Variants in TRPM7 observed in about 807,000 individuals in gnomAD.
TRPM7 encodes the protein transient receptor potential cation channel subfamily M member 7, also known as LTRPC ion channel family member 7.
In TRPM7, 134 loss-of-function variants were observed where a neutral mutation model predicts 229.7. The ratio of observed to expected loss-of-function variants is 0.58; its 90% confidence interval spans 0.51 to 0.67. The LOEUF (loss-of-function observed/expected upper bound fraction) is 0.67. TRPM7 is among the 30% of genes least tolerant of loss of function. The pLI, the probability that TRPM7 is intolerant of heterozygous loss-of-function variation, is 0.00. For synonymous variants in TRPM7, 699 were observed against 715.2 expected (o/e 0.98, Z 0.36); for missense variants, 1,901 against 2,210.0 (o/e 0.86, Z 2.80).
intron 12 of TRPM7, among the ~76,000 whole-genome samples, chr15:50,621,976 G>C (rs765505494): frequency 1.3e-5 from 2 of 151,974 alleles, no homozygotes; most frequent in African/African-American, 4.8e-5. Flanking sequence ...GTCGCATTGA[G>C]CCAAGATTGT....
At chr15:50,655,388 G>A (rs1043939302) in intron 3 of TRPM7, among the ~76,000 whole-genome samples, 8 of 144,450 alleles carry the variant, frequency 5.5e-5, no homozygotes, top group Admixed American at 1.5e-4. Context: ...AGCCAAGATC[G>A]CACCACTGCA....
At chr15:50,587,578 A>T (rs1366843784) in intron 27 of TRPM7, among the ~76,000 whole-genome samples, 5 of 152,028 alleles carry the variant, frequency 3.3e-5, no homozygotes, top group Non-Finnish European at 5.9e-5. Context: ...CTTTAAGTTC[A>T]TTATTAAAAA....
chr15:50,607,462 A>G (rs2059948278), intron 19 of TRPM7, 134 bp from the exon 20 acceptor site: 1 of 721,014 alleles, frequency 1.4e-6, no homozygotes, highest in African/African-American at 1.8e-5. Context: ...TCCTTTATTA[A>G]AACAATTTTA....
intron 21 of TRPM7, chr15:50,604,324 G>C (rs938114957): frequency 6.6e-6 from 1 of 152,398 alleles, no homozygotes; most frequent in Admixed American, 6.5e-5. Context: ...TGTAATCCCA[G>C]CACTTTGGGA....
intron 38 of TRPM7, among the ~76,000 whole-genome samples, chr15:50,566,452 C>T (rs908659267): frequency 2.2e-4 from 33 of 152,190 alleles, no homozygotes; most frequent in African/African-American, 7.5e-4. Context: ...AATCCCAGCA[C>T]TTTGGGAGGC....
At chr15:50,685,323 G>A (rs1479452235) in intron 1 of TRPM7, among the ~76,000 whole-genome samples, 1 of 152,208 alleles carries the variant, frequency 6.6e-6, no homozygotes, top group East Asian at 1.9e-4. Flanking sequence ...AATTAGCCGG[G>A]CATGGTGGCT....
In TRPM7 at chr15:50,593,636, TTC is replaced by T. The variant is rs776355674; in HGVS notation, c.3587_3588del (p.Arg1196AsnfsTer6). 1 of 1,611,880 alleles carries T rather than the reference TTC, an allele frequency of 6.2e-7. No individual in the cohort carries two copies. Among genetic ancestry groups the T allele is most frequent in the Admixed American group, 1.7e-5 (1 of 59,820 alleles). ...DDKFHSGSEE[R>X]IRVTFERVEQ... ...CTGAACCTTTCAAAAGTGACACGAA[TTC>T]TCTCTTCACTCCCAGAATGAAATTT... On this transcript the variant is annotated frameshift_variant, in exon 25 of 39. Coordinates refer to ENST00000646667, the MANE Select transcript of TRPM7 (RefSeq NM_017672.6). LOFTEE classifies it high-confidence loss of function.
At position 50,592,527 on chromosome 15, in the gene TRPM7, T is replaced by C. The variant is rs1470746427; in HGVS notation, c.3708A>G (p.Gln1236=). 3 of 1,613,662 alleles carry C rather than the reference T, an allele frequency of 1.9e-6. No individual in the cohort carries two copies. Among genetic ancestry groups the C allele is most frequent in the Non-Finnish European group, 1.7e-6 (2 of 1,180,024 alleles). The change falls in exon 26 of 39, where the codon CAA becomes CAG. Residue 1236 remains glutamine, a synonymous_variant. Coordinates refer to ENST00000646667, the MANE Select transcript of TRPM7 (RefSeq NM_017672.6). ...QSLDSQIGHL[Q]DLSALTVDTL... is the part of the protein sequence containing the mutation. Reference sequence around the variant, plus strand: ...TATCTACCGTCAGGGCTGAAAGATCTTGCAAATGGCCAATTTGAGAATCTA... The same window carrying C: ...TATCTACCGTCAGGGCTGAAAGATCCTGCAAATGGCCAATTTGAGAATCTA...
At position 50,586,416 on chromosome 15, in the gene TRPM7, A is replaced by C. The variant is rs748974050; in HGVS notation, c.4462T>G (p.Ser1488Ala). Reference sequence around the variant, plus strand: ...CCTTGTTTTGAATGAACAGGAATGGAAGTTCTGTGACAGTCAGTAAATCCA... The same window carrying C: ...CCTTGTTTTGAATGAACAGGAATGGCAGTTCTGTGACAGTCAGTAAATCCA... ...LAGFTDCHRT[S>A]IPVHSKQAEK... Residue 1488 changes from serine (S) to alanine (A), a missense_variant, in exon 28 of 39, where the codon TCC (serine) becomes GCC (alanine). By Grantham distance (99) the Ser-to-Ala change is moderately conservative (BLOSUM62 1). Transcript: ENST00000646667. 6.2e-7 allele frequency: 1 copy of C among 1,612,334 alleles called. No homozygotes were observed. Among genetic ancestry groups the C allele is most frequent in the South Asian group, 1.1e-5 (1 of 91,004 alleles).
chr15:50,641,978 T>TGAC lies in TRPM7; in HGVS notation c.535+1359_535+1361dup, dbSNP rs575889166. On this transcript the variant is annotated intron_variant, in intron 5 of 38. Transcript: ENST00000646667. ...TGGCACCACTGCACTCCAGCCTGGG[T>TGAC]GACAGCAAGACTCTGTCTCAAAAAA... Among the ~76,000 whole-genome samples, 115 of 143,654 alleles carry TGAC rather than the reference T, an allele frequency of 8.0e-4. No individual in the cohort carries two copies. The East Asian group carries it at 0.021, about 27-fold the overall frequency. 94.2% of individuals were successfully genotyped at this position (143,654 alleles called of 152,430 possible).
chr15:50,677,748 A>AC (rs1313281674), intron 1 of TRPM7, among the ~76,000 whole-genome samples: 1 of 148,140 alleles, frequency 6.8e-6, no homozygotes, highest in Non-Finnish European at 1.5e-5. Context: ...CAAAAAAAAA[A>AC]AAAAAAAAAA....
intron 11 of TRPM7, among the ~76,000 whole-genome samples, chr15:50,627,400 G>A (rs764647441): frequency 2.0e-5 from 3 of 152,146 alleles, no homozygotes; most frequent in Admixed American, 2.0e-4. Context: ...TTAAGCCCAC[G>A]TGGGTATGTA....
intron 38 of TRPM7, among the ~76,000 whole-genome samples, chr15:50,564,027 A>G (rs2053450429): frequency 6.6e-6 from 1 of 151,992 alleles, no homozygotes; most frequent in South Asian, 2.1e-4. Flanking sequence ...CACATGGCCA[A>G]TTTTTATATT....
At chr15:50,669,104 A>T (rs1308577921) in intron 1 of TRPM7, among the ~76,000 whole-genome samples, 3 of 152,110 alleles carry the variant, frequency 2.0e-5, no homozygotes, top group African/African-American at 7.2e-5. Context: ...TTTACCCAAT[A>T]CATAAAGGTA....
At chr15:50,656,940 G>A (rs371546850) in intron 3 of TRPM7, among the ~76,000 whole-genome samples, 1 of 152,096 alleles carries the variant, frequency 6.6e-6, no homozygotes, top group South Asian at 2.1e-4. Context: ...CTTACTTCAG[G>A]TTCTCATCTT....
chr15:50,626,794 T>C (rs1341897515), intron 11 of TRPM7, among the ~76,000 whole-genome samples: 2 of 123,320 alleles, frequency 1.6e-5, no homozygotes, highest in African/African-American at 2.7e-5. Flanking sequence ...TACATTCCCA[T>C]GGTTAAAAAA....
At chr15:50,671,133 G>A (rs576233334) in intron 1 of TRPM7, among the ~76,000 whole-genome samples, 53 of 152,202 alleles carry the variant, frequency 3.5e-4, no homozygotes, top group South Asian at 1.7e-3. Context: ...TCACCATGTT[G>A]TACAGAAGAT....
At chr15:50,574,607 A>G in intron 35 of TRPM7, 30 bp downstream of exon 35, 1 of 1,592,564 alleles carries the variant, frequency 6.3e-7, no homozygotes, top group Non-Finnish European at 8.6e-7. Context: ...CCATATAATA[A>G]AAGATCCCAG....
intron 31 of TRPM7, 111 bp from the exon 32 acceptor site, chr15:50,576,030 C>T: frequency 9.1e-7 from 1 of 1,101,148 alleles, no homozygotes; most frequent in Non-Finnish European, 1.3e-6. Context: ...GTAACTGTTC[C>T]TCACAAAAAC....
Sources: gnomAD v4.1 joint callset for allele counts (sites outside exome capture counted in the v4.1 genomes callset) on GRCh38, gnomAD v4.1.1 for gene constraint, MANE v1.5 for transcripts, NCBI Gene and HGNC (gene_info 2026-07-23, HGNC 2026-07-21) for gene names.